LGSN: variants seen among roughly 807,000 people sequenced by gnomAD.
LGSN encodes lengsin.
LGSN carries 21 observed loss-of-function variants against 19.5 expected under a neutral mutation model. That is an observed-to-expected ratio of 1.07 (90% CI 0.76 to 1.55). The LOEUF (loss-of-function observed/expected upper bound fraction) is 1.55. Among genes scored for constraint, LGSN ranks in the 40% most tolerant of loss-of-function variants. The pLI, the probability that LGSN is intolerant of heterozygous loss-of-function variation, is 0.00. For synonymous variants in LGSN, 257 were observed against 215.6 expected (o/e 1.19, Z -1.68); for missense variants, 673 against 608.5 (o/e 1.11, Z -1.12).
chr6:63,346,096 C>T, the LGSN span, among the ~76,000 whole-genome samples: 1 of 152,226 alleles, frequency 6.6e-6, no homozygotes, highest in South Asian at 2.1e-4. Flanking sequence ...TCCTAAAACT[C>T]TTCTAATTTC....
chr6:63,486,383 G>A, the LGSN span, among the ~76,000 whole-genome samples: 521 of 152,254 alleles, frequency 3.4e-3, no homozygotes, highest in Non-Finnish European at 5.5e-3. Context: ...GCAGTCACAC[G>A]ACAGCTGCTA....
the LGSN span, among the ~76,000 whole-genome samples, chr6:63,436,302 A>G: frequency 8.5e-4 from 129 of 152,242 alleles, no homozygotes; most frequent in Non-Finnish European, 1.6e-3. Context: ...GGTTTTCACC[A>G]TGTTGGCCAG....
intron 2 of LGSN, chr6:63,293,756 C>A (rs144492263): frequency 1.5e-5 from 7 of 456,516 alleles, no homozygotes; most frequent in Non-Finnish European, 2.6e-5. Context: ...CCTGAGAGTC[C>A]TTGTCATCAT....
chr6:63,379,401 CT>C, the LGSN span, among the ~76,000 whole-genome samples: 1 of 152,190 alleles, frequency 6.6e-6, no homozygotes, highest in Non-Finnish European at 1.5e-5. Context: ...CATCAGATCA[CT>C]CTTAAAGAAG....
the LGSN span, among the ~76,000 whole-genome samples, chr6:63,422,678 T>C: frequency 1.3e-5 from 2 of 152,058 alleles, no homozygotes; most frequent in African/African-American, 4.8e-5. Context: ...ACGAAAATAC[T>C]ATATATACAG....
chr6:63,544,251 T>G, the LGSN span, among the ~76,000 whole-genome samples: 1 of 152,184 alleles, frequency 6.6e-6, no homozygotes, highest in Non-Finnish European at 1.5e-5. Context: ...ATATAAAGAA[T>G]TCCTGCCTAT....
the LGSN span, among the ~76,000 whole-genome samples, chr6:63,454,701 A>G: frequency 6.7e-6 from 1 of 149,608 alleles, no homozygotes; most frequent in African/African-American, 2.5e-5. Context: ...TGAACTCTTG[A>G]CCTCGTGATC....
the LGSN span, among the ~76,000 whole-genome samples, chr6:63,412,490 G>GAAAGAAAGAAAGAAAGAAAGAAAC: frequency 1.3e-5 from 1 of 75,922 alleles, no homozygotes; most frequent in African/African-American, 7.1e-5. Context: ...AGAGAAGAAA[G>GAAAGAAAGAAAGAAAGAAAGAAAC]AAAGAAAGAA....
chr6:63,560,548 T>TA, the LGSN span, among the ~76,000 whole-genome samples: 2 of 151,912 alleles, frequency 1.3e-5, no homozygotes, highest in East Asian at 3.9e-4. Flanking sequence ...TACAGGCGTG[T>TA]ACCACCATGG....
At chr6:63,514,270 C>G in the LGSN span, among the ~76,000 whole-genome samples, 1 of 152,204 alleles carries the variant, frequency 6.6e-6, no homozygotes, top group South Asian at 2.1e-4. Context: ...CTTTGTCACT[C>G]AGGCTGGAAT....
chr6:63,319,013 C>T (rs1391355855), intron 1 of LGSN, among the ~76,000 whole-genome samples: 2 of 152,192 alleles, frequency 1.3e-5, no homozygotes, highest in African/African-American at 4.8e-5. Context: ...TAAGCCACAG[C>T]TCCTCCTCAG....
chr6:63,535,433 A>C, the LGSN span, among the ~76,000 whole-genome samples: 1 of 152,146 alleles, frequency 6.6e-6, no homozygotes, highest in African/African-American at 2.4e-5. Flanking sequence ...GCACCACTGC[A>C]CTCCAGCCTA....
At chr6:63,281,311 A>G in intron 3 of LGSN, 91 bp from the exon 4 acceptor site, 1 of 168,618 alleles carries the variant, frequency 5.9e-6, no homozygotes, top group Non-Finnish European at 1.2e-5. Flanking sequence ...GAAAATATAT[A>G]TATATATATA....
chr6:63,468,952 T>C, the LGSN span, among the ~76,000 whole-genome samples: 2 of 152,102 alleles, frequency 1.3e-5, no homozygotes, highest in Non-Finnish European at 2.9e-5. Flanking sequence ...TTTCACCATG[T>C]TGGACAGGCT....
the LGSN span, among the ~76,000 whole-genome samples, chr6:63,473,967 ATT>A: frequency 6.7e-6 from 1 of 149,974 alleles, no homozygotes; most frequent in East Asian, 1.9e-4. Context: ...CAAGCCATTT[ATT>A]TTCACAATGT....
the LGSN span, among the ~76,000 whole-genome samples, chr6:63,469,508 T>C: frequency 6.6e-6 from 1 of 152,156 alleles, no homozygotes; most frequent in Admixed American, 6.5e-5. Context: ...GGTGGGGAGT[T>C]AAAAGATATT....
At chr6:63,472,583 T>C in the LGSN span, among the ~76,000 whole-genome samples, 2 of 152,160 alleles carry the variant, frequency 1.3e-5, no homozygotes, top group Non-Finnish European at 2.9e-5. Flanking sequence ...AACCACTGTT[T>C]TGGGACAATC....
chr6:63,452,718 T>G, the LGSN span, among the ~76,000 whole-genome samples: 2 of 151,910 alleles, frequency 1.3e-5, no homozygotes, highest in African/African-American at 4.8e-5. Context: ...GTTTATCAGT[T>G]GTATTGATCT....
chr6:63,440,858 G>A, the LGSN span: 112 of 171,862 alleles, frequency 6.5e-4, 1 homozygote, highest in Non-Finnish European at 5.9e-4. Context: ...ATGAAGACCC[G>A]GTCAAGGAGC....
Sources: allele counts gnomAD v4.1 joint callset (sites outside exome capture counted in the v4.1 genomes callset), GRCh38; gene constraint gnomAD v4.1.1; transcripts MANE v1.5; gene names NCBI Gene and HGNC (gene_info 2026-07-23, HGNC 2026-07-21).